The following SEMA4A variants were observed in gnomAD, a reference collection of about 807,000 sequenced individuals.
SEMA4A encodes the protein semaphorin-4A.
In SEMA4A, 52 loss-of-function variants were observed where a neutral mutation model predicts 72.5. The ratio of observed to expected loss-of-function variants is 0.72; its 90% CI spans 0.57 to 0.90. The LOEUF is 0.90. Among genes scored for constraint, SEMA4A ranks in the 40% least tolerant of loss-of-function variants. The pLI is 0.00. For missense variants in SEMA4A, 926 were observed against 959.7 expected (o/e 0.96, Z 0.46); for synonymous variants, 369 against 393.1 (o/e 0.94, Z 0.73).
rs1655446496 is a variant in SEMA4A, at chr1:156,177,246, C to T, written c.*249C>T. On this transcript the variant is annotated 3_prime_UTR_variant, in exon 15 of 15. Coordinates refer to ENST00000368285, the MANE Select transcript of SEMA4A (RefSeq NM_022367.4). ...GGTGGGGGCTACCCCCAGACCTGCT[C>T]CTACACTGATATTGAAGAACCTGGA... is the stretch of plus-strand genomic sequence containing the variant. The T allele has an allele frequency of 3.5e-6, 2 of 574,340 alleles. No individual in the cohort carries two copies. Among genetic ancestry groups the T allele is most frequent in the Non-Finnish European group, 6.3e-6 (2 of 319,838 alleles). 35.6% of individuals were successfully genotyped at this position (574,340 alleles called of 1,614,324 possible).
chr1:156,156,232 C>T (rs947141054), intron 2 of SEMA4A, 182 bp from the exon 3 acceptor site: 1 of 662,964 alleles, frequency 1.5e-6, no homozygotes, highest in Admixed American at 2.1e-5. Context: ...GGGCTCAGCA[C>T]ACAACGCTCT....
At chr1:156,160,813 T>G in intron 7 of SEMA4A, 92 bp from the exon 8 acceptor site, 1 of 1,588,038 alleles carries the variant, frequency 6.3e-7, no homozygotes, top group Non-Finnish European at 8.6e-7. Context: ...CTGTGTGTCC[T>G]GGCCTCCAGG....
Position 156,162,976 on chromosome 1 carries a change from G to C in SEMA4A, c.1016G>C (p.Cys339Ser). ...GGCGGGACCAGGAGCTCTGCGGTTTGTGCCTTCTCTCTCTTGGACATTGAA... is the reference window on the plus strand; with the variant it reads ...GGCGGGACCAGGAGCTCTGCGGTTTCTGCCTTCTCTCTCTTGGACATTGAA... ...QVGGTRSSAV[C>S]AFSLLDIERV... Residue 339 changes from cysteine to serine, a missense_variant, in exon 10 of 15, where the codon TGT becomes TCT. Physicochemically the swap from Cys to Ser is moderately radical, Grantham distance 112 (BLOSUM62 -1). Transcript: ENST00000368285. 4.3e-6 allele frequency: 7 copies of C among 1,614,050 alleles called. No homozygotes were observed. The highest frequency in any genetic ancestry group is 5.9e-6 in the Non-Finnish European group (7 of 1,180,040).
Position 156,154,624 on chromosome 1 carries a change from CT to C in SEMA4A, c.50del (p.Phe17SerfsTer53), listed in dbSNP as rs1246207862. 4 of 1,610,512 alleles carry C rather than the reference CT, an allele frequency of 2.5e-6. No individual in the cohort carries two copies. Among genetic ancestry groups the C allele is most frequent in the South Asian group, 1.1e-5 (1 of 90,208 alleles). On this transcript the variant is annotated frameshift_variant, in exon 2 of 15. Transcript: ENST00000368285. LOFTEE classifies it high-confidence loss of function. The stretch of plus-strand genomic sequence containing the variant: ...CCTGGACCCCTGGAGCCTCCTGGGC[CT>C]TTTCCTCTTCCAACTGCTTCAGCTG... ...LGLDPWSLLGLFLFQLLQLLL... is the reference protein window; with the variant it reads ...LGLDPWSLLGXFLFQLLQLLL...
Position 156,158,847 on chromosome 1 carries a change from C to T in SEMA4A, c.568+23C>T, listed in dbSNP as rs1467515165. ...TGGGTGAGTATCAGGTTTCCCACTT[C>T]ATCCCAACATCTACTTTCTCCAGTC... is the stretch of plus-strand genomic sequence containing the variant. On this transcript the variant is annotated intron_variant, in intron 6 of 14. Transcript: ENST00000368285. The T allele has an allele frequency of 1.0e-5, 16 of 1,537,876 alleles. No homozygotes were observed. The East Asian group carries it at 3.6e-4, about 35-fold the overall frequency.
chr1:156,165,356 TTTTTTTC>T (rs1654060483), intron 10 of SEMA4A, among the ~76,000 whole-genome samples: 1 of 152,144 alleles, frequency 6.6e-6, no homozygotes, highest in African/African-American at 2.4e-5. Flanking sequence ...CTTCCTCTTT[TTTTTTTC>T]TTTTTTCTTT....
chr1:156,148,517 T>C (rs569316296), upstream of SEMA4A, among the ~76,000 whole-genome samples: 139 of 152,342 alleles, frequency 9.1e-4, 1 homozygote, highest in African/African-American at 3.2e-3. Flanking sequence ...GAAGCAGTCT[T>C]GGTCCATGAA....
intron 10 of SEMA4A, among the ~76,000 whole-genome samples, chr1:156,165,907 CTTTTTTT>C (rs71080751): frequency 1.5e-4 from 17 of 112,948 alleles, no homozygotes; most frequent in African/African-American, 2.1e-4. Flanking sequence ...TTCCTATCTT[CTTTTTTT>C]TTTTTTTTTT....
Position 156,176,987 on chromosome 1 carries a change from A to T in SEMA4A, c.2276A>T (p.Glu759Val). 1 of 1,609,386 alleles carries T rather than the reference A, an allele frequency of 6.2e-7. No individual in the cohort carries two copies. The highest frequency in any genetic ancestry group is 8.5e-7 in the Non-Finnish European group (1 of 1,179,998). ...VDADNNCLGT[E>V]VA ...GCTGACAACAACTGCCTAGGCACTG[A>T]GGTAGCTTAAACTCTAGGCACAGGC... The change falls in exon 15 of 15, where the codon GAG (glutamate) becomes GTG (valine). Residue 759 changes from glutamate (E) to valine (V), a missense_variant. Transcript: ENST00000368285.
In SEMA4A at chr1:156,160,559, C is replaced by G. The variant is rs776940811; in HGVS notation, c.685C>G (p.His229Asp). ...KTDNFLRWLH[H>D]DASFVAAIPS... The stretch of plus-strand genomic sequence containing the variant: ...CGACAACTTCCTCCGCTGGCTGCAT[C>G]GTAAGGACCTGACCCCCGCTGGCCT... Residue 229 changes from histidine (H) to aspartate (D), a missense_variant and splice_region_variant, in exon 7 of 15, where the codon CAT becomes GAT. His to Asp is a moderately conservative substitution (Grantham distance 81). Coordinates refer to ENST00000368285, the MANE Select transcript of SEMA4A (RefSeq NM_022367.4). The G allele has an allele frequency of 6.2e-7, 1 of 1,613,226 alleles. No homozygotes were observed. The highest frequency in any genetic ancestry group is 8.5e-7 in the Non-Finnish European group (1 of 1,179,168).
chr1:156,172,782 G>A, intron 10 of SEMA4A, 44 bp from the exon 11 acceptor site: 4 of 1,577,622 alleles, frequency 2.5e-6, no homozygotes, highest in Non-Finnish European at 3.5e-6. Context: ...GGTGAGCTGA[G>A]GGGAAGGGGC....
Position 156,156,440 on chromosome 1 carries a change from T to C in SEMA4A, c.166T>C (p.Phe56Leu), listed in dbSNP as rs748219986. The change falls in exon 3 of 15, where the codon TTC (phenylalanine) becomes CTC (leucine). Residue 56 changes from phenylalanine to leucine, a missense_variant. Physicochemically the swap from Phe to Leu is conservative, Grantham distance 22. Transcript: ENST00000368285. Reference sequence around the variant, plus strand: ...GGATGAACGTAGGGCACTTAGCTTCTTCCACCAGAAGGGCCTCCAGGATTT... The same window carrying C: ...GGATGAACGTAGGGCACTTAGCTTCCTCCACCAGAAGGGCCTCCAGGATTT... ...AGDERRALSF[F>L]HQKGLQDFDT... 6.2e-7 allele frequency: 1 copy of C among 1,614,156 alleles called. No individual in the cohort carries two copies. Among genetic ancestry groups the C allele is most frequent in the South Asian group, 1.1e-5 (1 of 91,084 alleles).
At chr1:156,162,140 A>T (rs1361536130) in intron 9 of SEMA4A, among the ~76,000 whole-genome samples, 1 of 152,208 alleles carries the variant, frequency 6.6e-6, no homozygotes, top group African/African-American at 2.4e-5. Flanking sequence ...GCATGCCTGT[A>T]GTCCCAGCTA....
rs1653482454 is a variant in SEMA4A, at chr1:156,160,454, T to A, written c.580T>A (p.Tyr194Asn). Residue 194 changes from tyrosine to asparagine, a missense_variant, in exon 7 of 15, where the codon TAT becomes AAT. Tyr to Asn is a moderately radical substitution (Grantham distance 143). Coordinates refer to ENST00000368285, the MANE Select transcript of SEMA4A (RefSeq NM_022367.4). The stretch of plus-strand genomic sequence containing the variant: ...CTCCTCCACCCTAGATGGGATGCTC[T>A]ATTCTGGTACTATGAACAACTTCCT... ...HTAVLVDGML[Y>N]SGTMNNFLGS... 1.2e-6 allele frequency: 2 copies of A among 1,613,636 alleles called. No individual in the cohort carries two copies. The highest frequency in any genetic ancestry group is 4.5e-5 in the East Asian group (2 of 44,872).
At chr1:156,163,691 A>T (rs1185774247) in intron 10 of SEMA4A, among the ~76,000 whole-genome samples, 2 of 137,370 alleles carry the variant, frequency 1.5e-5, no homozygotes, top group East Asian at 4.5e-4. Flanking sequence ...ACTGCACTCC[A>T]GCCTGGGTGA....
In SEMA4A at chr1:156,177,267, C is replaced by A. The variant is rs1655448160; in HGVS notation, c.*270C>A. The A allele has an allele frequency of 5.5e-6, 3 of 545,574 alleles. No homozygotes were observed. Among genetic ancestry groups the A allele is most frequent in the Non-Finnish European group, 9.9e-6 (3 of 301,716 alleles). 33.8% of individuals were successfully genotyped at this position (545,574 alleles called of 1,614,324 possible). ...TGCTCCTACACTGATATTGAAGAAC[C>A]TGGAGAGGATCCTTCAGTTCTGGCC... On this transcript the variant is annotated 3_prime_UTR_variant, in exon 15 of 15. Coordinates refer to ENST00000368285, the MANE Select transcript of SEMA4A (RefSeq NM_022367.4).
At chr1:156,175,976 G>A (rs750897798) in intron 14 of SEMA4A, among the ~76,000 whole-genome samples, 1 of 152,050 alleles carries the variant, frequency 6.6e-6, no homozygotes, top group Non-Finnish European at 1.5e-5. Flanking sequence ...AATGGAAGTT[G>A]GAGATAAGAG....
Position 156,161,340 on chromosome 1 carries a change from C to A in SEMA4A, c.811-6C>A, listed in dbSNP as rs1304742748. 6.2e-7 allele frequency: 1 copy of A among 1,610,676 alleles called. No individual in the cohort carries two copies. Among genetic ancestry groups the A allele is most frequent in the Non-Finnish European group, 8.5e-7 (1 of 1,179,214 alleles). ...GGGCGCCCCCTGACTCCCCCTGTGC[C>A]CCCAGAATGACGTGGGCGGCGAAAA... On this transcript the variant is annotated splice_polypyrimidine_tract_variant and splice_region_variant and intron_variant, in intron 8 of 14. Coordinates refer to ENST00000368285, the MANE Select transcript of SEMA4A (RefSeq NM_022367.4).
chr1:156,176,861 A>G lies in SEMA4A; in HGVS notation c.2150A>G (p.Gln717Arg). 1.9e-6 allele frequency: 3 copies of G among 1,614,236 alleles called. No individual in the cohort carries two copies. The highest frequency in any genetic ancestry group is 3.3e-4 in the Middle Eastern group (2 of 6,062). Residue 717 changes from glutamine (Q) to arginine (R), a missense_variant, in exon 15 of 15, where the codon CAG (glutamine) becomes CGG (arginine). Gln to Arg is a conservative substitution (Grantham distance 43, BLOSUM62 1). Transcript: ENST00000368285. The part of the protein sequence containing the change: ...LRALRARGKV[Q>R]GCETLRPGEK... ...GCACTCCGGGCTCGGGGCAAGGTTC[A>G]GGGCTGTGAGACCCTGCGCCCTGGG...
Sources: allele counts gnomAD v4.1 joint callset (sites outside exome capture counted in the v4.1 genomes callset), GRCh38; gene constraint gnomAD v4.1.1; transcripts MANE v1.5; gene names NCBI Gene and HGNC (gene_info 2026-07-23, HGNC 2026-07-21).